ODAD2: variants seen among roughly 807,000 people sequenced by gnomAD.
ODAD2 encodes outer dynein arm docking complex subunit 2, also known as outer dynein arm-docking complex subunit 2.
In ODAD2, 89 loss-of-function variants were observed where a neutral mutation model predicts 106.8. The ratio of observed to expected loss-of-function variants is 0.83; its 90% CI spans 0.70 to 0.99. The LOEUF (loss-of-function observed/expected upper bound fraction) is 0.99. Among genes scored for constraint, ODAD2 ranks in the 50% least tolerant of loss-of-function variants. The pLI is 0.00. For missense variants in ODAD2, 1,168 were observed against 1,238.5 expected (o/e 0.94, Z 0.85); for synonymous variants, 404 against 436.2 (o/e 0.93, Z 0.92).
chr10:27,875,731 C>T (rs1841287792), intron 17 of ODAD2, among the ~76,000 whole-genome samples: 1 of 152,126 alleles, frequency 6.6e-6, no homozygotes, highest in Non-Finnish European at 1.5e-5. Flanking sequence ...CGAGCATGAG[C>T]CAAAGCAGGG....
chr10:27,844,341 G>A (rs954307276), intron 19 of ODAD2, among the ~76,000 whole-genome samples: 1 of 152,234 alleles, frequency 6.6e-6, no homozygotes, highest in Non-Finnish European at 1.5e-5. Flanking sequence ...GTTCTAACAG[G>A]AAGGGCAGAC....
Position 27,936,968 on chromosome 10 carries a change from G to T in ODAD2, c.2098-88C>A, listed in dbSNP as rs2297646. ...AAAAAGGCTGCCATTCTAGTAGCTA[G>T]GAAACTTCTTTCTAGAGAGATCATT... On this transcript the variant is annotated intron_variant, in intron 14 of 19. Coordinates refer to ENST00000305242, the MANE Select transcript of ODAD2 (RefSeq NM_018076.5). The T allele has an allele frequency of 0.69, 948,569 of 1,368,448 alleles. 329,682 individuals are homozygous for T. Among genetic ancestry groups the T allele is most frequent in the African/African-American group, 0.74 (50,342 of 68,374 alleles). The allele number at this position is 1,368,448 out of a possible 1,614,324, so 84.8% of individuals were successfully genotyped here.
At chr10:27,853,402 C>T (rs1589829022) in intron 19 of ODAD2, 2 of 183,780 alleles carry the variant, frequency 1.1e-5, no homozygotes, top group East Asian at 1.6e-4. Flanking sequence ...AAAAGTAAGC[C>T]CTAACTATAT....
intron 17 of ODAD2, among the ~76,000 whole-genome samples, chr10:27,873,830 C>T (rs1192552849): frequency 1.3e-5 from 2 of 152,154 alleles, no homozygotes; most frequent in African/African-American, 2.4e-5. Context: ...AATGCATATT[C>T]TGTTGATTTG....
intron 19 of ODAD2, among the ~76,000 whole-genome samples, chr10:27,813,908 C>T (rs185598192): frequency 2.6e-5 from 4 of 152,154 alleles, no homozygotes; most frequent in African/African-American, 7.2e-5. Context: ...CAAATTCAAG[C>T]GATATTTGGG....
At chr10:27,898,069 C>T (rs1842966784) in intron 17 of ODAD2, among the ~76,000 whole-genome samples, 1 of 152,100 alleles carries the variant, frequency 6.6e-6, no homozygotes, top group Admixed American at 6.6e-5. Context: ...AGACAGAACA[C>T]ACTTTACATA....
chr10:27,970,733 G>A (rs1848791832), intron 8 of ODAD2, among the ~76,000 whole-genome samples: 1 of 152,136 alleles, frequency 6.6e-6, no homozygotes, highest in African/African-American at 2.4e-5. Context: ...GGAGGCTGAG[G>A]TGGGCAGATC....
chr10:27,940,105 A>G lies in ODAD2; in HGVS notation c.1987-98T>C, dbSNP rs1846285599. 4 of 747,470 alleles carry G rather than the reference A, an allele frequency of 5.4e-6. No individual in the cohort carries two copies. In the East Asian group the frequency reaches 1.1e-4, roughly 21 times the overall value. 46.3% of individuals were successfully genotyped at this position (747,470 alleles called of 1,614,324 possible). ...CATGCTGAACAAACTTTCTTAGGAA[A>G]TAATCACCATAGTCCAAGCTTAACA... On this transcript the variant is annotated intron_variant, in intron 13 of 19. Coordinates refer to ENST00000305242, the MANE Select transcript of ODAD2 (RefSeq NM_018076.5).
intron 19 of ODAD2, among the ~76,000 whole-genome samples, chr10:27,825,645 G>A (rs1479363515): frequency 1.3e-5 from 2 of 152,190 alleles, no homozygotes; most frequent in African/African-American, 2.4e-5. Context: ...AGGTAAAAAG[G>A]GTTGAGTTCC....
chr10:27,835,440 G>A (rs998652859), intron 19 of ODAD2, among the ~76,000 whole-genome samples: 1 of 152,164 alleles, frequency 6.6e-6, no homozygotes, highest in African/African-American at 2.4e-5. Flanking sequence ...GCAACATTCA[G>A]ATACACCCAC....
Position 27,882,928 on chromosome 10 carries a change from C to CA in ODAD2, c.2611-20307dup, listed in dbSNP as rs1044076863. 9.2e-3 allele frequency among the ~76,000 whole-genome samples: 1,302 copies of CA among 141,354 alleles called. 14 individuals carry two copies. The highest frequency in any genetic ancestry group is 0.031 in the African/African-American group (1,190 of 38,478). The allele number at this position is 141,354 out of a possible 152,430, so 92.7% of individuals were successfully genotyped here. On this transcript the variant is annotated intron_variant, in intron 17 of 19. Transcript: ENST00000305242. The stretch of plus-strand genomic sequence containing the variant: ...TACAAAATCAGTGGCAATTATTTAA[C>CA]AAAAAAAAAAGCTGCTTGAGATAAG...
intron 17 of ODAD2, among the ~76,000 whole-genome samples, chr10:27,880,112 G>A (rs1564459000): frequency 2.0e-5 from 3 of 152,126 alleles, no homozygotes; most frequent in African/African-American, 7.2e-5. Flanking sequence ...TTCACATTAA[G>A]CTTTAAAGTT....
At chr10:27,826,393 C>T (rs1015448879) in intron 19 of ODAD2, among the ~76,000 whole-genome samples, 1 of 152,168 alleles carries the variant, frequency 6.6e-6, no homozygotes, top group African/African-American at 2.4e-5. Context: ...CCCGGTCATC[C>T]ACCCAGGTGT....
intron 7 of ODAD2, among the ~76,000 whole-genome samples, chr10:27,971,605 T>C (rs540337887): frequency 4.6e-5 from 7 of 152,226 alleles, no homozygotes; most frequent in South Asian, 4.1e-4. Flanking sequence ...AAACCCTCTA[T>C]TGACTAAAAC....
intron 10 of ODAD2, among the ~76,000 whole-genome samples, chr10:27,953,334 T>C (rs1310889667): frequency 6.6e-6 from 1 of 152,190 alleles, no homozygotes; most frequent in Admixed American, 6.5e-5. Context: ...TCACAGTTCA[T>C]TCCAATAAAA....
intron 18 of ODAD2, among the ~76,000 whole-genome samples, chr10:27,861,271 C>T (rs751477980): frequency 5.9e-5 from 9 of 152,152 alleles, no homozygotes; most frequent in African/African-American, 9.7e-5. Flanking sequence ...AGATTACAGG[C>T]GTGAGCCACT....
chr10:27,930,956 A>G (rs1845575707), intron 16 of ODAD2, among the ~76,000 whole-genome samples: 1 of 152,194 alleles, frequency 6.6e-6, no homozygotes, highest in Non-Finnish European at 1.5e-5. Flanking sequence ...CGAAATGTCT[A>G]CGAAATGGCT....
intron 10 of ODAD2, among the ~76,000 whole-genome samples, chr10:27,953,516 A>G (rs1334025148): frequency 6.6e-6 from 1 of 152,206 alleles, no homozygotes; most frequent in Non-Finnish European, 1.5e-5. Flanking sequence ...TGTTTGCAGT[A>G]ACAAAAACTG....
chr10:27,944,505 A>C, intron 11 of ODAD2, 74 bp from the exon 12 acceptor site: 1 of 1,335,038 alleles, frequency 7.5e-7, no homozygotes, highest in Non-Finnish European at 1.1e-6. Flanking sequence ...GAGTATACCT[A>C]AAATCCTTCC....
Sources: gnomAD v4.1 joint callset for allele counts (sites outside exome capture counted in the v4.1 genomes callset) on GRCh38, gnomAD v4.1.1 for gene constraint, MANE v1.5 for transcripts, NCBI Gene and HGNC (gene_info 2026-07-23, HGNC 2026-07-21) for gene names.